WLS: variants seen among roughly 807,000 people sequenced by gnomAD.
WLS encodes the protein Wnt ligand secretion mediator.
WLS carries 23 observed loss-of-function variants against 62.8 expected under a neutral mutation model. The ratio of observed to expected loss-of-function variants is 0.37; its 90% CI spans 0.26 to 0.52. The LOEUF (loss-of-function observed/expected upper bound fraction) is 0.52. WLS is among the 20% of genes least tolerant of loss of function. The pLI is 0.92. For synonymous variants in WLS, 246 were observed against 244.1 expected, an observed-to-expected ratio of 1.01 and a Z score of -0.07; for missense variants, 615 against 697.3, an observed-to-expected ratio of 0.88 and a Z score of 1.33.
At chr1:68,218,847 T>C (rs1325130476) in intron 1 of WLS, among the ~76,000 whole-genome samples, 1 of 152,202 alleles carries the variant, frequency 6.6e-6, no homozygotes, top group Non-Finnish European at 1.5e-5. Flanking sequence ...ATGAACTATA[T>C]TTTCCTGTCA....
chr1:68,146,338 T>C (rs750908229), intron 8 of WLS, among the ~76,000 whole-genome samples: 9 of 152,156 alleles, frequency 5.9e-5, no homozygotes, highest in Admixed American at 2.0e-4. Context: ...CCCCAGGAGA[T>C]CCGTATACAC....
chr1:68,170,421 G>A (rs1647135116), intron 2 of WLS, among the ~76,000 whole-genome samples: 1 of 151,868 alleles, frequency 6.6e-6, no homozygotes, highest in Admixed American at 6.6e-5. Flanking sequence ...ACCCGCCTCG[G>A]ACTCCCAAAG....
chr1:68,202,989 AAC>A (rs1418777432), intron 1 of WLS: 1 of 152,236 alleles, frequency 6.6e-6, no homozygotes, highest in Non-Finnish European at 1.5e-5. Flanking sequence ...TTCTAGAAGA[AAC>A]ACAGTCAGTG....
intron 11 of WLS, chr1:68,100,644 A>G (rs1046022311): frequency 2.6e-5 from 4 of 152,130 alleles, no homozygotes; most frequent in Non-Finnish European, 5.9e-5. Flanking sequence ...ACTGCACACA[A>G]AGTTACTTGA....
chr1:68,136,864 G>T (rs945121081), intron 11 of WLS, among the ~76,000 whole-genome samples: 4 of 152,156 alleles, frequency 2.6e-5, no homozygotes, highest in African/African-American at 9.7e-5. Context: ...TGGCTCTGGG[G>T]GGCTGCTACC....
chr1:68,120,694 C>CTG (rs746624063), downstream of WLS, among the ~76,000 whole-genome samples: 6,718 of 150,632 alleles, frequency 0.045, 164 homozygotes, highest in South Asian at 0.069. Context: ...CTGTTAAGTT[C>CTG]TGTGTGTGTG....
At chr1:68,103,286 G>A (rs1056798680) in intron 11 of WLS, among the ~76,000 whole-genome samples, 3 of 152,216 alleles carry the variant, frequency 2.0e-5, no homozygotes, top group Non-Finnish European at 4.4e-5. Context: ...AACAATTCAT[G>A]TGCTTGCTTC....
At chr1:68,178,716 A>AAAAAAG (rs1227188569) in intron 2 of WLS, among the ~76,000 whole-genome samples, 2 of 151,378 alleles carry the variant, frequency 1.3e-5, no homozygotes, top group African/African-American at 4.9e-5. Flanking sequence ...AAAAAAAAAA[A>AAAAAAG]AAAGAAAAGA....
intron 1 of WLS, among the ~76,000 whole-genome samples, chr1:68,219,658 T>TGTA (rs1422648258): frequency 1.3e-5 from 2 of 152,196 alleles, no homozygotes; most frequent in Non-Finnish European, 2.9e-5. Flanking sequence ...TGCATTGATC[T>TGTA]GTAGTAACAG....
chr1:68,129,085 G>T lies in WLS; in HGVS notation c.1517-2750C>A, dbSNP rs142952246. 7.0e-4 allele frequency among the ~76,000 whole-genome samples: 107 copies of T among 152,294 alleles called. 1 individual carries two copies. The highest frequency in any genetic ancestry group is 6.8e-3 in the Middle Eastern group (2 of 294). On this transcript the variant is annotated intron_variant, in intron 11 of 11. Transcript: ENST00000262348. ...CACATCTGTAATCCCGGCACTTTGG[G>T]AGGCTGACGGCGGCGGATCACTTGA...
intron 11 of WLS, among the ~76,000 whole-genome samples, chr1:68,134,349 C>A (rs762027993): frequency 6.6e-6 from 1 of 152,144 alleles, no homozygotes; most frequent in Non-Finnish European, 1.5e-5. Context: ...CACAAGGTCA[C>A]AGCACCATGC....
At chr1:68,183,522 C>G (rs546482197) in intron 2 of WLS, 1 of 532,520 alleles carries the variant, frequency 1.9e-6, no homozygotes, top group Admixed American at 2.0e-5. Flanking sequence ...AATTAAATAT[C>G]ACAATTCTTG....
chr1:68,202,839 G>A (rs1235137879), intron 1 of WLS: 1 of 152,210 alleles, frequency 6.6e-6, no homozygotes, highest in Non-Finnish European at 1.5e-5. Context: ...CCCCCATGGA[G>A]GCCCCCAAAG....
chr1:68,206,732 A>T (rs890749145), intron 1 of WLS, among the ~76,000 whole-genome samples: 1 of 152,324 alleles, frequency 6.6e-6, no homozygotes, highest in East Asian at 1.9e-4. Context: ...TATTCAATCA[A>T]TCTTGGGCCT....
chr1:68,134,177 C>A (rs1189830859), intron 11 of WLS, among the ~76,000 whole-genome samples: 2 of 152,220 alleles, frequency 1.3e-5, no homozygotes, highest in African/African-American at 2.4e-5. Context: ...ACATAATATT[C>A]CAAACTAGGT....
chr1:68,232,492 C>T lies in WLS; in HGVS notation c.-193G>A, dbSNP rs1650477886. 4 of 1,219,234 alleles carry T rather than the reference C, an allele frequency of 3.3e-6. No homozygotes were observed. Among genetic ancestry groups the T allele is most frequent in the East Asian group, 2.9e-5 (1 of 34,722 alleles). The allele number at this position is 1,219,234 out of a possible 1,614,324, so 75.5% of individuals were successfully genotyped here. A position where few individuals can be genotyped will look rare whatever the true frequency, so the allele number is the denominator to read the frequency against. On this transcript the variant is annotated 5_prime_UTR_variant, in exon 1 of 12. Coordinates refer to ENST00000262348, the MANE Select transcript of WLS (RefSeq NM_024911.7). ...ACGGATTCCCCCGGCGCAGCCGGCT[C>T]GGGTTCCCCCAATGCCCGGAGCTGT... is the stretch of plus-strand genomic sequence containing the variant.
chr1:68,133,991 A>C (rs1646569265), intron 11 of WLS, among the ~76,000 whole-genome samples: 1 of 152,322 alleles, frequency 6.6e-6, no homozygotes, highest in East Asian at 1.9e-4. Context: ...TGAAGCTTCA[A>C]AGCAAAGGAG....
intron 1 of WLS, chr1:68,231,828 G>C (rs1335686585): frequency 2.1e-6 from 1 of 472,878 alleles, no homozygotes; most frequent in Non-Finnish European, 4.0e-6. Context: ...AGGGAACCGA[G>C]AGGAAAAGGG....
intron 1 of WLS, among the ~76,000 whole-genome samples, chr1:68,199,045 G>C (rs1258852095): frequency 7.1e-6 from 1 of 140,866 alleles, no homozygotes; most frequent in Non-Finnish European, 1.5e-5. Context: ...ATTCCTTCCA[G>C]AACCTGTAAT....
Sources: allele counts gnomAD v4.1 joint callset (sites outside exome capture counted in the v4.1 genomes callset), GRCh38; gene constraint gnomAD v4.1.1; transcripts MANE v1.5; gene names NCBI Gene and HGNC (gene_info 2026-07-23, HGNC 2026-07-21).